GRM5: variants seen among roughly 807,000 people sequenced by gnomAD.
GRM5 encodes glutamate metabotropic receptor 5.
Under a neutral mutation model 83.1 loss-of-function variants are expected in GRM5, and 19 were observed. The ratio of observed to expected loss-of-function variants is 0.23; its 90% CI spans 0.16 to 0.34. GRM5 has a LOEUF of 0.34. Among genes scored for constraint, GRM5 ranks in the 10% least tolerant of loss-of-function variants. The probability of loss-of-function intolerance (pLI) is 1.00; values close to 1 mark genes in which losing one functional copy is unlikely to be tolerated. For synonymous variants in GRM5, 675 were observed against 633.6 expected, an observed-to-expected ratio of 1.07 and a Z score of -0.98; for missense variants, 1,160 against 1,588.3, an observed-to-expected ratio of 0.73 and a Z score of 4.58.
At chr11:88,597,646 A>T (rs1342569713) in intron 5 of GRM5, among the ~76,000 whole-genome samples, 2 of 152,136 alleles carry the variant, frequency 1.3e-5, no homozygotes, top group African/African-American at 4.8e-5. Context: ...AGTTTAAACG[A>T]GTACTGTTAG....
chr11:88,716,710 T>G (rs1390547646), intron 3 of GRM5, among the ~76,000 whole-genome samples: 1 of 151,966 alleles, frequency 6.6e-6, no homozygotes, highest in African/African-American at 2.4e-5. Flanking sequence ...GCAGGTGACA[T>G]TAGTCTCATT....
intron 3 of GRM5, among the ~76,000 whole-genome samples, chr11:88,704,035 C>T (rs1383577361): frequency 1.3e-5 from 2 of 152,048 alleles, no homozygotes; most frequent in Non-Finnish European, 2.9e-5. Flanking sequence ...GGCCTGCTTC[C>T]TGGTTTACTG....
At chr11:89,061,191 C>G (rs547779897) in intron 1 of GRM5, among the ~76,000 whole-genome samples, 1 of 152,024 alleles carries the variant, frequency 6.6e-6, no homozygotes, top group Non-Finnish European at 1.5e-5. Flanking sequence ...CTCACATGTA[C>G]GTATACATAA....
intron 7 of GRM5, among the ~76,000 whole-genome samples, chr11:88,580,300 T>A (rs984023071): frequency 6.6e-6 from 1 of 152,196 alleles, no homozygotes; most frequent in African/African-American, 2.4e-5. Context: ...TCAAAATGTT[T>A]ATTGTGTAGA....
intron 2 of GRM5, among the ~76,000 whole-genome samples, chr11:88,916,682 G>A (rs1945597977): frequency 6.6e-6 from 1 of 151,616 alleles, no homozygotes; most frequent in Non-Finnish European, 1.5e-5. Context: ...AAACCAGCTG[G>A]AGCAGCAAAG....
chr11:88,775,574 TTTA>T (rs1942829781), intron 3 of GRM5, among the ~76,000 whole-genome samples: 3 of 152,216 alleles, frequency 2.0e-5, no homozygotes, highest in African/African-American at 7.2e-5. Flanking sequence ...CTTGTGGGCA[TTTA>T]GTGCTATAAA....
At chr11:89,060,285 T>TATAC (rs1043068131) in intron 1 of GRM5, among the ~76,000 whole-genome samples, 4,504 of 80,776 alleles carry the variant, frequency 0.056, 214 homozygotes, top group African/African-American at 0.13. Context: ...TATATATATA[T>TATAC]ACACACACAC....
intron 3 of GRM5, among the ~76,000 whole-genome samples, chr11:88,666,270 C>T (rs1474676855): frequency 6.6e-6 from 1 of 152,122 alleles, no homozygotes; most frequent in Non-Finnish European, 1.5e-5. Flanking sequence ...CAGGTTTATT[C>T]TATTTTTTAT....
intron 4 of GRM5, among the ~76,000 whole-genome samples, chr11:88,616,398 T>G (rs1327747480): frequency 6.0e-5 from 9 of 149,342 alleles, no homozygotes; most frequent in Admixed American, 3.3e-4. Flanking sequence ...TGTTTTTTTT[T>G]TTTTTTTTTT....
At chr11:88,540,659 C>T (rs1942245487) in intron 8 of GRM5, among the ~76,000 whole-genome samples, 1 of 152,192 alleles carries the variant, frequency 6.6e-6, no homozygotes, top group Admixed American at 6.5e-5. Context: ...GAGGAGGGAA[C>T]TCAAATCACA....
In GRM5 at chr11:88,509,514, G is replaced by A; in HGVS notation, c.2727-10C>T. The stretch of plus-strand genomic sequence containing the variant: ...GGATTTTCCATTGGAACTGAGGAGA[G>A]AAGGGAGAGGAAAGGTGACTCAGCG... On this transcript the variant is annotated splice_polypyrimidine_tract_variant and intron_variant, in intron 9 of 9. Transcript: ENST00000305447. The A allele has an allele frequency of 1.9e-6, 3 of 1,604,574 alleles. No individual in the cohort carries two copies. The highest frequency in any genetic ancestry group is 2.6e-6 in the Non-Finnish European group (3 of 1,175,162).
At chr11:88,891,261 A>G (rs1945139635) in intron 2 of GRM5, among the ~76,000 whole-genome samples, 2 of 152,132 alleles carry the variant, frequency 1.3e-5, no homozygotes, top group African/African-American at 4.8e-5. Context: ...ATTTTTATGT[A>G]ATAGTAAAGG....
rs190257364 is a variant in GRM5, at chr11:89,005,664, G to C, written c.661+41548C>G. 7.9e-3 allele frequency among the ~76,000 whole-genome samples: 1,197 copies of C among 152,230 alleles called. 11 individuals are homozygous for C. The highest frequency in any genetic ancestry group is 0.021 in the African/African-American group (881 of 41,532). On this transcript the variant is annotated intron_variant, in intron 2 of 9. Transcript: ENST00000305447. Reference sequence around the variant, plus strand: ...AGTATTAAATATGGCAAATTAGTAAGTATTTATATCTGTGCCTGGCATTTA... The same window carrying C: ...AGTATTAAATATGGCAAATTAGTAACTATTTATATCTGTGCCTGGCATTTA...
intron 1 of GRM5, among the ~76,000 whole-genome samples, chr11:89,058,744 G>A (rs1278002563): frequency 6.6e-6 from 1 of 152,144 alleles, no homozygotes; most frequent in African/African-American, 2.4e-5. Flanking sequence ...AATATGCATA[G>A]TTCTAAGTAT....
intron 3 of GRM5, among the ~76,000 whole-genome samples, chr11:88,740,441 A>C (rs1464736046): frequency 6.6e-6 from 1 of 152,072 alleles, no homozygotes; most frequent in Non-Finnish European, 1.5e-5. Context: ...TTTTTAGAGA[A>C]TATATGTTTA....
chr11:88,546,660 C>T (rs1459785863), intron 8 of GRM5, among the ~76,000 whole-genome samples: 3 of 151,920 alleles, frequency 2.0e-5, no homozygotes, highest in African/African-American at 7.3e-5. Context: ...CTTCTGTAGA[C>T]TAGATAGTGA....
chr11:88,509,534 T>C, intron 9 of GRM5, 30 bp from the exon 10 acceptor site: 2 of 1,567,650 alleles, frequency 1.3e-6, no homozygotes, highest in Non-Finnish European at 1.7e-6. Flanking sequence ...GAAAGGTGAC[T>C]CAGCGAGGTG....
At chr11:88,550,209 G>A (rs975844825) in intron 8 of GRM5, among the ~76,000 whole-genome samples, 1 of 152,040 alleles carries the variant, frequency 6.6e-6, no homozygotes, top group Non-Finnish European at 1.5e-5. Context: ...TTCTTCTAAT[G>A]ATCTGATTTA....
At chr11:88,879,346 A>T (rs1327230261) in intron 2 of GRM5, among the ~76,000 whole-genome samples, 3 of 151,894 alleles carry the variant, frequency 2.0e-5, no homozygotes, top group African/African-American at 7.2e-5. Flanking sequence ...CAACAACAAG[A>T]AAATAAACAA....
Sources: gnomAD v4.1 joint callset for allele counts (sites outside exome capture counted in the v4.1 genomes callset) on GRCh38, gnomAD v4.1.1 for gene constraint, MANE v1.5 for transcripts, NCBI Gene and HGNC (gene_info 2026-07-23, HGNC 2026-07-21) for gene names.